The following CELF2 variants were observed in gnomAD, a reference collection of about 807,000 sequenced individuals.
CELF2 encodes the protein CUGBP Elav-like family member 2, also known as CUG triplet repeat RNA-binding protein 2.
A neutral mutation model predicts 62.6 loss-of-function variants in CELF2; 8 were observed. That is an observed-to-expected ratio of 0.13 (90% CI 0.07 to 0.23). The LOEUF (loss-of-function observed/expected upper bound fraction) is 0.23. Among genes scored for constraint, CELF2 ranks in the 10% least tolerant of loss-of-function variants. CELF2 has a pLI of 1.00. For synonymous variants in CELF2, 258 were observed against 250.0 expected, an observed-to-expected ratio of 1.03 and a Z score of -0.30; for missense variants, 333 against 671.0, an observed-to-expected ratio of 0.50 and a Z score of 5.56.
chr10:11,005,553 G>A lies in CELF2; in HGVS notation c.53+113G>A. On this transcript the variant is annotated intron_variant, in intron 1 of 12. Transcript: ENST00000416382. This position sits in a 1 kb window ranked among gnomAD's most constrained non-coding sequence, Gnocchi z 4.3. ...CTTCCTTACCTTAGAAGAGAAGGGG[G>A]GAAAAAGAATCTAAAGAGGAAGAGG... 1.3e-6 allele frequency: 2 copies of A among 1,498,442 alleles called. No individual in the cohort carries two copies. The highest frequency in any genetic ancestry group is 2.8e-5 in the African/African-American group (2 of 72,284). 92.8% of individuals were successfully genotyped at this position (1,498,442 alleles called of 1,614,324 possible).
chr10:11,309,429 C>T lies in CELF2; in HGVS notation c.977-4710C>T, dbSNP rs952672839. Among the ~76,000 whole-genome samples, 5 of 152,238 alleles carry T rather than the reference C, an allele frequency of 3.3e-5. No individual in the cohort carries two copies. The highest frequency in any genetic ancestry group is 1.3e-4 in the Admixed American group (2 of 15,280). ...GCTATGAGTGACATTCCTATTTTTC[C>T]TTTGTTAAATTACAAAATTCTTCCA... is the stretch of plus-strand genomic sequence containing the variant. On this transcript the variant is annotated intron_variant, in intron 9 of 12. Transcript: ENST00000633077. The surrounding 1 kb of genome is among the most constrained non-coding windows in gnomAD (Gnocchi z 5.6).
intron 1 of CELF2, among the ~76,000 whole-genome samples, chr10:11,047,082 T>C (rs1347118332): frequency 1.3e-5 from 2 of 152,176 alleles, no homozygotes; most frequent in Non-Finnish European, 2.9e-5. Flanking sequence ...ACTCTTCCTA[T>C]TTAAGCATTT....
At chr10:11,273,122 CT>C (rs2084482543) in intron 7 of CELF2, among the ~76,000 whole-genome samples, 1 of 152,030 alleles carries the variant, frequency 6.6e-6, no homozygotes, top group Admixed American at 6.5e-5. Context: ...TGAACACAGA[CT>C]TTTCTTGGTT....
chr10:10,714,525 C>T, the CELF2 span, among the ~76,000 whole-genome samples: 29 of 152,100 alleles, frequency 1.9e-4, no homozygotes, highest in Non-Finnish European at 3.7e-4. Flanking sequence ...TGCATCTTTC[C>T]ACAGTTCAGC....
intron 8 of CELF2, among the ~76,000 whole-genome samples, chr10:11,277,016 T>A (rs972287706): frequency 6.6e-6 from 1 of 152,196 alleles, no homozygotes; most frequent in African/African-American, 2.4e-5. Flanking sequence ...CCTCACAGGC[T>A]AGGAAATCAA....
chr10:10,668,814 C>T, the CELF2 span, among the ~76,000 whole-genome samples: 4 of 152,070 alleles, frequency 2.6e-5, no homozygotes, highest in Admixed American at 2.6e-4. Context: ...AAAAAATAGC[C>T]AGGCAGGGTG....
At chr10:10,776,974 C>G in the CELF2 span, among the ~76,000 whole-genome samples, 1 of 152,208 alleles carries the variant, frequency 6.6e-6, no homozygotes, top group Non-Finnish European at 1.5e-5. Context: ...CAATCACTCA[C>G]TCCCTTCTTT....
chr10:10,828,207 C>T (rs1472936337), intron 1 of CELF2, among the ~76,000 whole-genome samples: 4 of 152,194 alleles, frequency 2.6e-5, no homozygotes, highest in Admixed American at 1.3e-4. Context: ...TGTTTGTATA[C>T]CTATGTTCAC....
At chr10:11,299,938 GT>G (rs1237201554) in intron 9 of CELF2, among the ~76,000 whole-genome samples, 2 of 152,180 alleles carry the variant, frequency 1.3e-5, no homozygotes, top group Non-Finnish European at 2.9e-5. Context: ...GGGAAAAGAG[GT>G]TTGATTTTTC....
chr10:11,243,356 A>G lies in CELF2; in HGVS notation c.355-5797A>G, dbSNP rs1177448237. On this transcript the variant is annotated intron_variant, in intron 3 of 12. Coordinates refer to ENST00000633077, the MANE Select transcript of CELF2 (RefSeq NM_001326342.2). This position sits in a 1 kb window ranked among gnomAD's most constrained non-coding sequence, Gnocchi z 4.1. The stretch of plus-strand genomic sequence containing the variant: ...AACGTGCGGCTTTAGGCAAAATGTT[A>G]TTCAAAAAAAAAAAAAAAAAGCTTC... 2.8e-5 allele frequency among the ~76,000 whole-genome samples: 4 copies of G among 143,634 alleles called. No homozygotes were observed. The highest frequency in any genetic ancestry group is 4.5e-5 in the Non-Finnish European group (3 of 66,622). The allele number at this position is 143,634 out of a possible 152,430, so 94.2% of individuals were successfully genotyped here. A position where few individuals can be genotyped will look rare whatever the true frequency, so the allele number is the denominator to read the frequency against.
At chr10:11,203,872 T>C (rs867300394) in intron 2 of CELF2, among the ~76,000 whole-genome samples, 20 of 152,232 alleles carry the variant, frequency 1.3e-4, no homozygotes, top group African/African-American at 4.3e-4. Flanking sequence ...GATTCATTGA[T>C]ACTACAGCGT....
chr10:10,741,624 C>A, the CELF2 span, among the ~76,000 whole-genome samples: 1 of 151,582 alleles, frequency 6.6e-6, no homozygotes, highest in Non-Finnish European at 1.5e-5. Flanking sequence ...TGGGTTTTGG[C>A]AAGAATGGCA....
At chr10:10,710,505 G>A in the CELF2 span, among the ~76,000 whole-genome samples, 1 of 152,174 alleles carries the variant, frequency 6.6e-6, no homozygotes, top group South Asian at 2.1e-4. Context: ...CATTTTATAA[G>A]CATAACGAAG....
Position 11,237,952 on chromosome 10 carries a change from A to G in CELF2, c.355-11201A>G, listed in dbSNP as rs75970973. 0.02 allele frequency among the ~76,000 whole-genome samples: 3,060 copies of G among 152,344 alleles called. 123 individuals are homozygous for G. Among genetic ancestry groups the G allele is most frequent in the African/African-American group, 0.069 (2,882 of 41,570 alleles). On this transcript the variant is annotated intron_variant, in intron 3 of 12. Coordinates refer to ENST00000633077, the MANE Select transcript of CELF2 (RefSeq NM_001326342.2). This position sits in a 1 kb window ranked among gnomAD's most constrained non-coding sequence, Gnocchi z 4.0. ...TAATAGAATCTAGGATTGGAAATGT[A>G]AATGAGCCACCAGGTAATTAAACCA...
At chr10:10,562,673 G>A in the CELF2 span, among the ~76,000 whole-genome samples, 1 of 150,022 alleles carries the variant, frequency 6.7e-6, no homozygotes, top group African/African-American at 2.5e-5. Flanking sequence ...ACCCACACAA[G>A]CTTTGACCCC....
chr10:11,271,625 A>G (rs1457595550), intron 7 of CELF2, among the ~76,000 whole-genome samples: 3 of 151,960 alleles, frequency 2.0e-5, no homozygotes, highest in Admixed American at 2.0e-4. Context: ...CTATTTTTCC[A>G]CTTTGGAACA....
In CELF2 at chr10:11,020,027, G is replaced by C. The variant is rs546525471; in HGVS notation, c.74+1864G>C. ...GTGTTAATGGCCTCAGAAAGATGCA[G>C]TTTCTTGTCAATTAAATTATGAATT... On this transcript the variant is annotated intron_variant, in intron 1 of 12. Coordinates refer to ENST00000633077, the MANE Select transcript of CELF2 (RefSeq NM_001326342.2). 4.0e-4 allele frequency among the ~76,000 whole-genome samples: 61 copies of C among 152,312 alleles called. No homozygotes were observed. The Middle Eastern group carries it at 0.017, about 43-fold the overall frequency.
At chr10:10,743,298 G>C in the CELF2 span, among the ~76,000 whole-genome samples, 67 of 152,336 alleles carry the variant, frequency 4.4e-4, no homozygotes, top group South Asian at 0.014. Context: ...AGCGAAGCAA[G>C]TTTCTTTGGA....
intron 1 of CELF2, among the ~76,000 whole-genome samples, chr10:10,847,058 TGAA>T: frequency 6.6e-6 from 1 of 152,250 alleles, no homozygotes; most frequent in East Asian, 1.9e-4. Flanking sequence ...TTATTAACCT[TGAA>T]GAGGGTGTTG....
Sources: allele counts gnomAD v4.1 joint callset (sites outside exome capture counted in the v4.1 genomes callset), GRCh38; gene constraint gnomAD v4.1.1; non-coding constraint Gnocchi (gnomAD v3.1); transcripts MANE v1.5; gene names NCBI Gene and HGNC (gene_info 2026-07-23, HGNC 2026-07-21).